The following TANC1 variants were observed in gnomAD, a reference collection of about 807,000 sequenced individuals.
TANC1 encodes the protein tetratricopeptide repeat, ankyrin repeat and coiled-coil containing 1.
Under a neutral mutation model 149.7 loss-of-function variants are expected in TANC1, and 77 were observed. The observed-to-expected ratio is 0.51, with a 90% CI of 0.43 to 0.62. TANC1 has a LOEUF of 0.62. Among genes scored for constraint, TANC1 ranks in the 20% least tolerant of loss-of-function variants. The pLI, the probability that TANC1 is intolerant of heterozygous loss-of-function variation, is 0.00. For missense variants in TANC1, 1,985 were observed against 2,321.8 expected (o/e 0.85, Z 2.98); for synonymous variants, 854 against 925.0 (o/e 0.92, Z 1.39).
chr2:159,106,419 G>A (rs1255509142), intron 4 of TANC1, among the ~76,000 whole-genome samples: 1 of 152,102 alleles, frequency 6.6e-6, no homozygotes, highest in Non-Finnish European at 1.5e-5. Flanking sequence ...CATAATATGT[G>A]GTATTTTGTG....
chr2:159,198,855 T>C (rs550845497), intron 18 of TANC1, 120 bp from the exon 19 acceptor site: 77 of 617,160 alleles, frequency 1.2e-4, no homozygotes, highest in Non-Finnish European at 2.1e-4. Context: ...TATATTTTTC[T>C]CTCCTTGGGC....
Position 158,969,361 on chromosome 2 carries a change from T to C in TANC1, c.-126+579T>C, listed in dbSNP as rs181473104. ...GCCCCAGTCTGGGCTGAAAGTCTAT[T>C]GCTTTGCTTCCAAGAACACTGCGAT... On this transcript the variant is annotated intron_variant, in intron 1 of 26. Transcript: ENST00000263635. 1.5e-3 allele frequency among the ~76,000 whole-genome samples: 229 copies of C among 152,324 alleles called. 1 individual carries two copies. The highest frequency in any genetic ancestry group is 3.4e-3 in the Middle Eastern group (1 of 294).
intron 19 of TANC1, among the ~76,000 whole-genome samples, chr2:159,213,390 T>C (rs1232635776): frequency 6.6e-6 from 1 of 152,006 alleles, no homozygotes; most frequent in African/African-American, 2.4e-5. Context: ...CATTGGACCC[T>C]GGTTTCCAAA....
At chr2:159,160,403 T>C (rs10200189) in intron 7 of TANC1, among the ~76,000 whole-genome samples, 45,442 of 152,034 alleles carry the variant, frequency 0.3, 7,876 homozygotes, top group Non-Finnish European at 0.41. Context: ...CACAAGCATT[T>C]TTGAGAGTGA....
chr2:159,125,682 C>T lies in TANC1; in HGVS notation c.260-10512C>T, dbSNP rs911607963. 9.3e-5 allele frequency among the ~76,000 whole-genome samples: 14 copies of T among 150,752 alleles called. No homozygotes were observed. The South Asian group carries it at 1.1e-3, about 12-fold the overall frequency. ...TCGGCTCACTGCAACCTCCGACTCC[C>T]GGGTTCAAGCAATTCTCCTGCCTCA... On this transcript the variant is annotated intron_variant, in intron 4 of 26. Coordinates refer to ENST00000263635, the MANE Select transcript of TANC1 (RefSeq NM_033394.3).
At chr2:159,149,537 G>A in intron 6 of TANC1, 1 of 443,622 alleles carries the variant, frequency 2.3e-6, no homozygotes, top group Admixed American at 3.5e-5. Flanking sequence ...ATGAATTAAA[G>A]AGGCTAAAAG....
At chr2:159,019,998 T>C (rs1332263114) in intron 2 of TANC1, among the ~76,000 whole-genome samples, 1 of 152,174 alleles carries the variant, frequency 6.6e-6, no homozygotes, top group Non-Finnish European at 1.5e-5. Flanking sequence ...AAATCTAATT[T>C]AACACAAAAT....
intron 1 of TANC1, among the ~76,000 whole-genome samples, chr2:158,975,045 C>A (rs1021413659): frequency 3.3e-5 from 5 of 151,928 alleles, no homozygotes; most frequent in Non-Finnish European, 7.4e-5. Flanking sequence ...GCCAACCCCC[C>A]AGTCCTCCTT....
At chr2:159,086,657 G>T (rs1220302111) in intron 3 of TANC1, among the ~76,000 whole-genome samples, 2 of 152,052 alleles carry the variant, frequency 1.3e-5, no homozygotes, top group Non-Finnish European at 2.9e-5. Context: ...TCAAATAAAT[G>T]TTCACTGGAA....
rs1187668439 is a variant in TANC1 at position 159,103,289 on chromosome 2, G to A, written c.259+5455G>A. ...AGCAGTGGAATTATTGAACTAAATG[G>A]CCTGCATTTATAAAGAGTCTTGATA... On this transcript the variant is annotated intron_variant, in intron 4 of 26. Transcript: ENST00000263635. Among the ~76,000 whole-genome samples, 2 of 95,218 alleles carry A rather than the reference G, an allele frequency of 2.1e-5. 1 individual carries two copies. The highest frequency in any genetic ancestry group is 5.8e-5 in the Non-Finnish European group (2 of 34,234). 62.5% of individuals were successfully genotyped at this position (95,218 alleles called of 152,430 possible).
intron 2 of TANC1, among the ~76,000 whole-genome samples, chr2:159,039,912 C>A (rs1012988461): frequency 2.9e-4 from 44 of 152,128 alleles, no homozygotes; most frequent in African/African-American, 9.4e-4. Context: ...TCCTTGTTAA[C>A]CTTCTGTCTC....
rs2059571197 is a variant in TANC1 at position 159,219,761 on chromosome 2, G to A, written c.3572G>A (p.Arg1191Lys). The A allele has an allele frequency of 6.2e-7, 1 of 1,614,234 alleles. No individual in the cohort carries two copies. The highest frequency in any genetic ancestry group is 8.5e-7 in the Non-Finnish European group (1 of 1,180,042). Reference sequence around the variant, plus strand: ...AGCTGGGCTTGTCTGAAAGGTCACAGGGCAGTGGTCCAGTATCTGGTTGAA... The same window carrying A: ...AGCTGGGCTTGTCTGAAAGGTCACAAGGCAGTGGTCCAGTATCTGGTTGAA... The part of the protein sequence containing the change: ...ALSWACLKGH[R>K]AVVQYLVEEG... Residue 1191 changes from arginine to lysine, a missense_variant, in exon 22 of 27, where the codon AGG (arginine) becomes AAG (lysine). By Grantham distance (26) the Arg-to-Lys change is conservative. Around this residue, in one of 3 missense-constraint regions of TANC1, gnomAD observed 920 missense variants for 994.7 expected, o/e 0.92. Coordinates refer to ENST00000263635, the MANE Select transcript of TANC1 (RefSeq NM_033394.3).
intron 15 of TANC1, 58 bp downstream of exon 15, chr2:159,185,957 T>G (rs1310630407): frequency 7.3e-7 from 1 of 1,371,624 alleles, no homozygotes; most frequent in African/African-American, 1.4e-5. Flanking sequence ...AGGTTTTGCT[T>G]TGGAGATTTT....
intron 7 of TANC1, among the ~76,000 whole-genome samples, chr2:159,162,937 A>G (rs769050690): frequency 6.6e-6 from 1 of 152,196 alleles, no homozygotes; most frequent in Non-Finnish European, 1.5e-5. Context: ...TTAATGAGAA[A>G]TGAATTCTTT....
At chr2:159,142,726 T>C (rs571685712) in intron 5 of TANC1, among the ~76,000 whole-genome samples, 24 of 151,968 alleles carry the variant, frequency 1.6e-4, no homozygotes, top group African/African-American at 5.8e-4. Flanking sequence ...ATTTGGCACA[T>C]TTTTTCTTCA....
intron 13 of TANC1, 54 bp downstream of exon 13, chr2:159,176,572 A>G: frequency 1.5e-6 from 2 of 1,299,932 alleles, no homozygotes; most frequent in African/African-American, 1.5e-5. Flanking sequence ...TTTTACAGTG[A>G]TAAATGTTAA....
chr2:159,187,154 T>A, intron 16 of TANC1, 130 bp downstream of exon 16: 1 of 1,078,976 alleles, frequency 9.3e-7, no homozygotes. Context: ...AAAGATGTGC[T>A]TCCCTGATCA....
At chr2:159,100,050 A>T (rs913478087) in intron 4 of TANC1, among the ~76,000 whole-genome samples, 8 of 152,182 alleles carry the variant, frequency 5.3e-5, no homozygotes, top group African/African-American at 1.9e-4. Context: ...CCTCATCTCT[A>T]TATAATAGAT....
At chr2:159,170,411 T>A in intron 9 of TANC1, 113 bp from the exon 10 acceptor site, 1 of 946,500 alleles carries the variant, frequency 1.1e-6, no homozygotes, top group Non-Finnish European at 1.5e-6. Context: ...TACAGACAGA[T>A]CCTAGTGGGG....
Sources: allele counts gnomAD v4.1 joint callset (sites outside exome capture counted in the v4.1 genomes callset), GRCh38; gene constraint gnomAD v4.1.1; regional missense constraint gnomAD v4.1.1; transcripts MANE v1.5; gene names NCBI Gene and HGNC (gene_info 2026-07-23, HGNC 2026-07-21).